Variants in PHACTR1 observed in about 807,000 individuals in gnomAD.
PHACTR1 encodes the protein RPEL repeat containing 1.
PHACTR1 carries 16 observed loss-of-function variants against 69.2 expected under a neutral mutation model. That is an observed-to-expected ratio of 0.23 (90% CI 0.16 to 0.35). The LOEUF (loss-of-function observed/expected upper bound fraction) is 0.35. Among genes scored for constraint, PHACTR1 ranks in the 10% least tolerant of loss-of-function variants. The pLI is 1.00. For missense variants in PHACTR1, 510 were observed against 734.7 expected (o/e 0.69, Z 3.54); for synonymous variants, 312 against 284.5 (o/e 1.10, Z -0.97).
intron 4 of PHACTR1, among the ~76,000 whole-genome samples, chr6:12,789,524 A>G (rs980067887): frequency 2.6e-5 from 4 of 152,066 alleles, no homozygotes; most frequent in African/African-American, 4.8e-5. Context: ...TCCAAAATTT[A>G]TATTCTGAGC....
At chr6:13,011,330 G>T (rs1799425333) in intron 4 of PHACTR1, among the ~76,000 whole-genome samples, 1 of 152,212 alleles carries the variant, frequency 6.6e-6, no homozygotes, top group African/African-American at 2.4e-5. Context: ...ACAGCCACAT[G>T]TTGCTAGTGG....
intron 3 of PHACTR1, among the ~76,000 whole-genome samples, chr6:12,732,688 G>T (rs1429114201): frequency 6.6e-6 from 1 of 152,102 alleles, no homozygotes; most frequent in African/African-American, 2.4e-5. Flanking sequence ...AGTATTCCAT[G>T]GCACACACAG....
rs1763562485 is a variant in PHACTR1 at position 13,191,309 on chromosome 6, CT to C, written c.664+8626del. Among the ~76,000 whole-genome samples the C allele has an allele frequency of 2.0e-5, 3 of 152,124 alleles. No individual in the cohort carries two copies. In the South Asian group the frequency reaches 6.2e-4, roughly 32 times the overall value. On this transcript the variant is annotated intron_variant, in intron 7 of 14. Coordinates refer to ENST00000332995, the MANE Select transcript of PHACTR1 (RefSeq NM_030948.6). ...TGATAATTTGAAGGTGTTCTGTGTTCTTTGTGAGATGGTCGGTCAAGTGCAG... is the reference window on the plus strand; with the variant it reads ...TGATAATTTGAAGGTGTTCTGTGTTCTTGTGAGATGGTCGGTCAAGTGCAG...
chr6:12,900,854 G>A (rs1785116638), intron 4 of PHACTR1, among the ~76,000 whole-genome samples: 1 of 152,110 alleles, frequency 6.6e-6, no homozygotes, highest in Non-Finnish European at 1.5e-5. Context: ...CGTTTTGCTT[G>A]ATGTTTAAAC....
chr6:12,881,618 A>G (rs1783099717), intron 4 of PHACTR1, among the ~76,000 whole-genome samples: 1 of 152,044 alleles, frequency 6.6e-6, no homozygotes, highest in South Asian at 2.1e-4. Context: ...TGTTTACTTC[A>G]TAACGTCATC....
chr6:12,845,431 C>CCG (rs1488462577), intron 4 of PHACTR1, among the ~76,000 whole-genome samples: 2 of 39,598 alleles, frequency 5.1e-5, no homozygotes, highest in Non-Finnish European at 1.3e-4. Context: ...CACCACCCAC[C>CCG]CCCCCCCCCC....
At chr6:12,882,107 C>G (rs1001079974) in intron 4 of PHACTR1, among the ~76,000 whole-genome samples, 1 of 152,014 alleles carries the variant, frequency 6.6e-6, no homozygotes, top group Non-Finnish European at 1.5e-5. Context: ...AGGATGCACC[C>G]GAGGCTGAGA....
chr6:13,041,335 T>TACAC lies in PHACTR1; in HGVS notation c.251-12027_251-12026insCACA, dbSNP rs1341525931. ...TTAGAGCCACTGGTGGTAATTAAAA[T>TACAC]ACATACACACACACACACACACACA... On this transcript the variant is annotated intron_variant, in intron 4 of 14. Transcript: ENST00000332995. Among the ~76,000 whole-genome samples the TACAC allele has an allele frequency of 6.5e-3, 253 of 38,700 alleles. 1 individual carries two copies. Among genetic ancestry groups the TACAC allele is most frequent in the Non-Finnish European group, 0.011 (199 of 18,544 alleles). 25.4% of individuals were successfully genotyped at this position (38,700 alleles called of 152,430 possible). A position where few individuals can be genotyped will look rare whatever the true frequency, so the allele number is the denominator to read the frequency against.
chr6:13,083,896 G>A (rs1811827619), intron 5 of PHACTR1, among the ~76,000 whole-genome samples: 1 of 152,100 alleles, frequency 6.6e-6, no homozygotes, highest in African/African-American at 2.4e-5. Context: ...TGCAAACAGG[G>A]ACAATTTGAC....
intron 3 of PHACTR1, among the ~76,000 whole-genome samples, chr6:12,720,341 T>C (rs183647445): frequency 2.1e-4 from 32 of 152,320 alleles, no homozygotes; most frequent in South Asian, 6.2e-4. Context: ...CAGTTAATTA[T>C]AGAGAATAAA....
chr6:13,096,254 CT>C (rs1814228548), intron 5 of PHACTR1, among the ~76,000 whole-genome samples: 1 of 152,154 alleles, frequency 6.6e-6, no homozygotes, highest in South Asian at 2.1e-4. Context: ...TTTCCACCCC[CT>C]GGTGTTAGTT....
intron 5 of PHACTR1, among the ~76,000 whole-genome samples, chr6:13,114,534 A>C (rs983672623): frequency 2.0e-5 from 3 of 152,226 alleles, no homozygotes; most frequent in African/African-American, 7.2e-5. Flanking sequence ...CCATGTGATA[A>C]GTTAAATTTC....
intron 10 of PHACTR1, among the ~76,000 whole-genome samples, chr6:13,236,361 G>A (rs1169779395): frequency 6.6e-6 from 1 of 152,068 alleles, no homozygotes; most frequent in Non-Finnish European, 1.5e-5. Context: ...CATTTGCTGG[G>A]GCTGCCATAA....
intron 4 of PHACTR1, among the ~76,000 whole-genome samples, chr6:12,868,088 C>A (rs55637633): frequency 0.071 from 10,797 of 152,054 alleles, 429 homozygotes; most frequent in Middle Eastern, 0.11. Flanking sequence ...GAAATCCCAT[C>A]TCTACTAAAA....
In PHACTR1 at chr6:13,199,325, A is replaced by G. The variant is rs551271639; in HGVS notation, c.665-6490A>G. ...CTTGAACCTGGGAGGTGGAGGTTGC[A>G]GTGAGCCAAGATCACACCACTGCAC... On this transcript the variant is annotated intron_variant, in intron 7 of 14. Coordinates refer to ENST00000332995, the MANE Select transcript of PHACTR1 (RefSeq NM_030948.6). Among the ~76,000 whole-genome samples, 84 of 136,602 alleles carry G rather than the reference A, an allele frequency of 6.1e-4. 1 individual carries two copies. In the South Asian group the frequency reaches 0.021, roughly 34 times the overall value. The allele number at this position is 136,602 out of a possible 152,430, so 89.6% of individuals were successfully genotyped here. A position where few individuals can be genotyped will look rare whatever the true frequency, so the allele number is the denominator to read the frequency against.
At chr6:12,726,479 C>T (rs1762812734) in intron 3 of PHACTR1, among the ~76,000 whole-genome samples, 1 of 152,202 alleles carries the variant, frequency 6.6e-6, no homozygotes, top group Non-Finnish European at 1.5e-5. Flanking sequence ...GATTAATCCT[C>T]AAACTAGTTA....
intron 3 of PHACTR1, among the ~76,000 whole-genome samples, chr6:12,722,999 C>G (rs570878755): frequency 3.9e-5 from 6 of 152,242 alleles, no homozygotes; most frequent in Admixed American, 3.9e-4. Context: ...CAATGCTACC[C>G]CACACACTCA....
chr6:13,114,124 T>G (rs970257043), intron 5 of PHACTR1, among the ~76,000 whole-genome samples: 1 of 152,130 alleles, frequency 6.6e-6, no homozygotes, highest in Non-Finnish European at 1.5e-5. Flanking sequence ...TGCCCCCCAT[T>G]TCCCAGCCTC....
chr6:12,814,084 T>G (rs1775313148), intron 4 of PHACTR1, among the ~76,000 whole-genome samples: 1 of 152,200 alleles, frequency 6.6e-6, no homozygotes, highest in Non-Finnish European at 1.5e-5. Flanking sequence ...TTACCCTGGT[T>G]TTAGCTCCTG....
Sources: allele counts gnomAD v4.1 joint callset (sites outside exome capture counted in the v4.1 genomes callset), GRCh38; gene constraint gnomAD v4.1.1; transcripts MANE v1.5; gene names NCBI Gene and HGNC (gene_info 2026-07-23, HGNC 2026-07-21).